The following CNTNAP2 variants were observed in gnomAD, a reference collection of about 807,000 sequenced individuals.
CNTNAP2 encodes contactin associated protein 2, also known as contactin-associated protein-like 2.
A neutral mutation model predicts 155.2 loss-of-function variants in CNTNAP2; 98 were observed. The ratio of observed to expected loss-of-function variants is 0.63; its 90% CI spans 0.54 to 0.75. The LOEUF (loss-of-function observed/expected upper bound fraction) is 0.75, where lower values mean the gene tolerates loss of function less well. Among genes scored for constraint, CNTNAP2 ranks in the 30% least tolerant of loss-of-function variants. The probability of loss-of-function intolerance (pLI) is 0.00; values close to 1 mark genes in which losing one functional copy is unlikely to be tolerated. For missense variants in CNTNAP2, 1,727 were observed against 1,688.1 expected (o/e 1.02, Z -0.40); for synonymous variants, 651 against 631.2 (o/e 1.03, Z -0.47).
intron 10 of CNTNAP2, among the ~76,000 whole-genome samples, chr7:147,469,506 A>ATGTTTTTTTTTTTTTTTTTTTT (rs1798175620): frequency 1.3e-5 from 1 of 79,104 alleles, no homozygotes. Flanking sequence ...TCAGGCTGCA[A>ATGTTTTTTTTTTTTTTTTTTTT]TTTTTTTTTT....
At chr7:147,050,631 C>T (rs1799455516) in intron 4 of CNTNAP2, among the ~76,000 whole-genome samples, 1 of 152,116 alleles carries the variant, frequency 6.6e-6, no homozygotes, top group Admixed American at 6.5e-5. Flanking sequence ...AGTGAGAATA[C>T]CCTCTTCTAG....
intron 1 of CNTNAP2, among the ~76,000 whole-genome samples, chr7:146,347,180 G>T (rs892249572): frequency 1.3e-5 from 2 of 150,380 alleles, no homozygotes; most frequent in Admixed American, 6.6e-5. Context: ...GTGCCATTTG[G>T]CATGCTTAGT....
At chr7:147,397,432 CT>C (rs1313768657) in intron 10 of CNTNAP2, among the ~76,000 whole-genome samples, 4 of 151,972 alleles carry the variant, frequency 2.6e-5, no homozygotes, top group Non-Finnish European at 4.4e-5. Flanking sequence ...AGTATCTACT[CT>C]TTTTTTCAGG....
In CNTNAP2 at chr7:147,808,858, A is replaced by G. The variant is rs144044749; in HGVS notation, c.2099-94707A>G. On this transcript the variant is annotated intron_variant, in intron 13 of 23. Coordinates refer to ENST00000361727, the MANE Select transcript of CNTNAP2 (RefSeq NM_014141.6). ...TCTAGTTTTGACTATGGTTAGGAAT[A>G]CACATGCTTTACCTTTCTAATAATT... Among the ~76,000 whole-genome samples, 557 of 152,340 alleles carry G rather than the reference A, an allele frequency of 3.7e-3. 4 individuals carry two copies. The highest frequency in any genetic ancestry group is 0.013 in the African/African-American group (533 of 41,580).
intron 8 of CNTNAP2, among the ~76,000 whole-genome samples, chr7:147,171,922 C>A (rs1007024228): frequency 6.6e-6 from 1 of 151,876 alleles, no homozygotes; most frequent in Non-Finnish European, 1.5e-5. Flanking sequence ...AGAATACCTG[C>A]AATTAAATAA....
intron 17 of CNTNAP2, among the ~76,000 whole-genome samples, chr7:148,157,017 C>T (rs554325585): frequency 1.3e-5 from 2 of 152,314 alleles, no homozygotes; most frequent in South Asian, 4.1e-4. Flanking sequence ...AACGCTTCAG[C>T]AATGACAGGA....
intron 1 of CNTNAP2, among the ~76,000 whole-genome samples, chr7:146,159,720 G>A (rs1407653440): frequency 6.6e-6 from 1 of 152,078 alleles, no homozygotes; most frequent in African/African-American, 2.4e-5. Flanking sequence ...CCCAATACAG[G>A]AGCACACAGA....
chr7:146,904,414 C>A (rs1449546771), intron 3 of CNTNAP2, among the ~76,000 whole-genome samples: 4 of 152,152 alleles, frequency 2.6e-5, no homozygotes, highest in African/African-American at 7.2e-5. Context: ...GTGTCTAGAA[C>A]AATGTCAGGT....
At chr7:147,786,088 G>A (rs190871305) in intron 13 of CNTNAP2, among the ~76,000 whole-genome samples, 111 of 152,042 alleles carry the variant, frequency 7.3e-4, no homozygotes, top group Non-Finnish European at 4.1e-4. Flanking sequence ...TCAAGAGGTC[G>A]AGACCATCCT....
intron 8 of CNTNAP2, among the ~76,000 whole-genome samples, chr7:147,272,527 C>A (rs1469161747): frequency 1.3e-5 from 2 of 151,816 alleles, no homozygotes; most frequent in South Asian, 4.2e-4. Context: ...GAGACAGAGT[C>A]CGGCTCTGTC....
At chr7:147,612,233 A>G (rs1313208714) in intron 12 of CNTNAP2, among the ~76,000 whole-genome samples, 1 of 152,168 alleles carries the variant, frequency 6.6e-6, no homozygotes, top group Non-Finnish European at 1.5e-5. Flanking sequence ...AGCTCTTATA[A>G]AATGACCAGT....
intron 1 of CNTNAP2, among the ~76,000 whole-genome samples, chr7:146,546,844 G>A (rs979720574): frequency 4.0e-5 from 6 of 151,810 alleles, no homozygotes; most frequent in African/African-American, 1.5e-4. Context: ...AGCGGCACTG[G>A]GGTAACTGCA....
At chr7:147,580,496 G>A (rs1800478310) in intron 12 of CNTNAP2, among the ~76,000 whole-genome samples, 3 of 151,996 alleles carry the variant, frequency 2.0e-5, no homozygotes, top group African/African-American at 4.8e-5. Flanking sequence ...TTTTAATTGG[G>A]TTCAGCATCT....
intron 15 of CNTNAP2, among the ~76,000 whole-genome samples, chr7:148,033,102 C>G (rs1282815966): frequency 6.6e-6 from 1 of 152,072 alleles, no homozygotes; most frequent in Non-Finnish European, 1.5e-5. Context: ...GCTCATAGAT[C>G]TTAAAAAGTT....
At chr7:147,130,121 G>A (rs1396592991) in intron 7 of CNTNAP2, among the ~76,000 whole-genome samples, 2 of 151,982 alleles carry the variant, frequency 1.3e-5, no homozygotes, top group African/African-American at 4.8e-5. Flanking sequence ...GAGATAAAAA[G>A]ATAGATGTAT....
intron 1 of CNTNAP2, among the ~76,000 whole-genome samples, chr7:146,203,015 G>GT (rs11447328): frequency 0.25 from 38,536 of 152,066 alleles, 5,118 homozygotes; most frequent in Middle Eastern, 0.33. Context: ...TTCTGCAAAA[G>GT]TTTTTTGTTC....
chr7:148,181,307 C>T (rs1795034722), intron 18 of CNTNAP2, among the ~76,000 whole-genome samples: 1 of 151,924 alleles, frequency 6.6e-6, no homozygotes, highest in East Asian at 1.9e-4. Flanking sequence ...AGAGAGAACC[C>T]TAATACCATA....
At chr7:147,431,386 T>C (rs922646911) in intron 10 of CNTNAP2, among the ~76,000 whole-genome samples, 5 of 152,144 alleles carry the variant, frequency 3.3e-5, no homozygotes, top group African/African-American at 9.7e-5. Context: ...AACTATAAAC[T>C]TTTCCCTGTA....
At chr7:146,428,426 T>C (rs545165649) in intron 1 of CNTNAP2, among the ~76,000 whole-genome samples, 74 of 152,252 alleles carry the variant, frequency 4.9e-4, no homozygotes, top group African/African-American at 1.7e-3. Context: ...TTTGACTTTT[T>C]AATAGTAACC....
Sources: gnomAD v4.1 joint callset for allele counts (sites outside exome capture counted in the v4.1 genomes callset) on GRCh38, gnomAD v4.1.1 for gene constraint, MANE v1.5 for transcripts, NCBI Gene and HGNC (gene_info 2026-07-23, HGNC 2026-07-21) for gene names.